The following BMPR1B variants were observed in gnomAD, a reference collection of about 807,000 sequenced individuals.
BMPR1B encodes the protein bone morphogenetic protein receptor type 1B, also known as bone morphogenetic protein receptor type-1B.
Under a neutral mutation model 59.1 loss-of-function variants are expected in BMPR1B, and 12 were observed. The observed-to-expected ratio is 0.20, with a 90% CI of 0.13 to 0.33. The LOEUF (loss-of-function observed/expected upper bound fraction) is 0.33. BMPR1B is among the 10% of genes least tolerant of loss of function. The pLI, the probability that BMPR1B is intolerant of heterozygous loss-of-function variation, is 1.00. For missense variants in BMPR1B, 550 were observed against 610.9 expected, an observed-to-expected ratio of 0.90 and a Z score of 1.05; for synonymous variants, 237 against 207.3, an observed-to-expected ratio of 1.14 and a Z score of -1.23.
At chr4:95,055,330 A>G (rs1726837437) in intron 3 of BMPR1B, among the ~76,000 whole-genome samples, 1 of 152,102 alleles carries the variant, frequency 6.6e-6, no homozygotes, top group African/African-American at 2.4e-5. Context: ...CAGTAAGAGG[A>G]GGATAACAAA....
At chr4:95,021,136 C>G (rs566250399) in intron 3 of BMPR1B, among the ~76,000 whole-genome samples, 1 of 152,174 alleles carries the variant, frequency 6.6e-6, no homozygotes, top group South Asian at 2.1e-4. Context: ...TAACAAATAG[C>G]GTATTCCTAA....
chr4:95,034,639 G>GTT (rs1015075700), intron 3 of BMPR1B, among the ~76,000 whole-genome samples: 2 of 128,412 alleles, frequency 1.6e-5, no homozygotes, highest in African/African-American at 2.8e-5. Flanking sequence ...AGTATTCCAT[G>GTT]TTTATATATA....
At chr4:95,114,091 G>A (rs183156276) in intron 4 of BMPR1B, among the ~76,000 whole-genome samples, 189 of 152,118 alleles carry the variant, frequency 1.2e-3, no homozygotes, top group African/African-American at 4.0e-3. Flanking sequence ...TTATATGACA[G>A]GACAGCCCAG....
chr4:94,966,013 A>G (rs1206161102), intron 2 of BMPR1B, among the ~76,000 whole-genome samples: 2 of 151,954 alleles, frequency 1.3e-5, no homozygotes, highest in African/African-American at 4.8e-5. Flanking sequence ...ATACAGTTGT[A>G]AAAAAAAGAT....
At chr4:94,960,373 A>T (rs1375510899) in intron 2 of BMPR1B, among the ~76,000 whole-genome samples, 2 of 152,046 alleles carry the variant, frequency 1.3e-5, no homozygotes, top group Non-Finnish European at 2.9e-5. Context: ...CCTATTCTTT[A>T]TATCAATGAG....
At chr4:94,969,834 G>T (rs1730704213) in intron 2 of BMPR1B, among the ~76,000 whole-genome samples, 1 of 152,142 alleles carries the variant, frequency 6.6e-6, no homozygotes, top group Non-Finnish European at 1.5e-5. Context: ...TGCCTAAGAA[G>T]TATTTGTAGA....
intron 2 of BMPR1B, among the ~76,000 whole-genome samples, chr4:94,880,895 C>T (rs535849720): frequency 3.3e-5 from 5 of 152,066 alleles, no homozygotes; most frequent in Non-Finnish European, 7.4e-5. Context: ...CTTGGCCTCC[C>T]AAAGTGCTGA....
At chr4:94,962,900 G>C (rs1383320115) in intron 2 of BMPR1B, among the ~76,000 whole-genome samples, 1 of 152,096 alleles carries the variant, frequency 6.6e-6, no homozygotes, top group Non-Finnish European at 1.5e-5. Flanking sequence ...CCTTCATACT[G>C]TTCTCCATAA....
At chr4:94,861,986 G>C (rs1725994766) in intron 1 of BMPR1B, among the ~76,000 whole-genome samples, 1 of 151,786 alleles carries the variant, frequency 6.6e-6, no homozygotes, top group Non-Finnish European at 1.5e-5. Flanking sequence ...TTAGTTGTAA[G>C]GAAACTATAG....
chr4:95,009,759 A>G (rs1364874826), intron 3 of BMPR1B, among the ~76,000 whole-genome samples: 2 of 152,098 alleles, frequency 1.3e-5, no homozygotes, highest in Non-Finnish European at 2.9e-5. Flanking sequence ...CTGAATTTAG[A>G]GATCTGGAGT....
chr4:95,014,093 A>G (rs974413824), intron 3 of BMPR1B, among the ~76,000 whole-genome samples: 3 of 152,204 alleles, frequency 2.0e-5, no homozygotes, highest in South Asian at 4.1e-4. Flanking sequence ...TGGTGCTTAC[A>G]GTGGTTGTCT....
chr4:95,152,892 C>A, intron 12 of BMPR1B, 119 bp downstream of exon 12: 1 of 1,231,814 alleles, frequency 8.1e-7, no homozygotes, highest in Non-Finnish European at 1.2e-6. Context: ...ATGGTGATGG[C>A]GCCTCATTGC....
At chr4:94,782,367 G>T (rs1466397008) in intron 1 of BMPR1B, among the ~76,000 whole-genome samples, 1 of 150,904 alleles carries the variant, frequency 6.6e-6, no homozygotes, top group South Asian at 2.1e-4. Context: ...GTGCAGTGGT[G>T]CAATCTTGGC....
chr4:94,839,598 T>C (rs1724968425), intron 1 of BMPR1B, among the ~76,000 whole-genome samples: 1 of 149,452 alleles, frequency 6.7e-6, no homozygotes, highest in Non-Finnish European at 1.5e-5. Context: ...CCTTTTTTTG[T>C]TTTCTATTTG....
chr4:94,863,166 C>A (rs1726067520), intron 1 of BMPR1B, among the ~76,000 whole-genome samples: 1 of 152,022 alleles, frequency 6.6e-6, no homozygotes, highest in Non-Finnish European at 1.5e-5. Context: ...AGGAAGGGAA[C>A]AAGAGACACC....
At chr4:94,811,984 A>G (rs1723835156) in intron 1 of BMPR1B, among the ~76,000 whole-genome samples, 1 of 152,212 alleles carries the variant, frequency 6.6e-6, no homozygotes, top group Non-Finnish European at 1.5e-5. Flanking sequence ...ATGTGAAAAT[A>G]TTTAACTTTT....
At chr4:94,950,357 C>T (rs2149053681) in intron 2 of BMPR1B, among the ~76,000 whole-genome samples, 1 of 152,126 alleles carries the variant, frequency 6.6e-6, no homozygotes, top group East Asian at 1.9e-4. Context: ...GTCATGAAGT[C>T]TTCGCCCATG....
intron 1 of BMPR1B, among the ~76,000 whole-genome samples, chr4:94,813,729 G>A (rs1299838667): frequency 6.6e-6 from 1 of 152,196 alleles, no homozygotes; most frequent in Non-Finnish European, 1.5e-5. Context: ...GGCTATCTCA[G>A]TAGTCCAGTT....
chr4:95,038,989 G>T (rs1725457627), intron 3 of BMPR1B, among the ~76,000 whole-genome samples: 1 of 152,098 alleles, frequency 6.6e-6, no homozygotes. Context: ...TTTTCAGCTG[G>T]GTGTTTGGCG....
Sources: allele counts gnomAD v4.1 joint callset (sites outside exome capture counted in the v4.1 genomes callset), GRCh38; gene constraint gnomAD v4.1.1; transcripts MANE v1.5; gene names NCBI Gene and HGNC (gene_info 2026-07-23, HGNC 2026-07-21).